The following TRIM24 variants were observed in gnomAD, a reference collection of about 807,000 sequenced individuals.
TRIM24 encodes tripartite motif containing 24.
In TRIM24, 29 loss-of-function variants were observed where a neutral mutation model predicts 123.9. The observed-to-expected ratio is 0.23, with a 90% CI of 0.17 to 0.32. The LOEUF is 0.32. TRIM24 is among the 10% of genes least tolerant of loss of function. The probability of loss-of-function intolerance (pLI) is 1.00; values close to 1 mark genes in which losing one functional copy is unlikely to be tolerated. For synonymous variants in TRIM24, 456 were observed against 461.1 expected (o/e 0.99, Z 0.14); for missense variants, 932 against 1,295.3 (o/e 0.72, Z 4.31).
chr7:138,503,292 T>C (rs1796080141), intron 1 of TRIM24, among the ~76,000 whole-genome samples: 1 of 152,190 alleles, frequency 6.6e-6, no homozygotes, highest in Non-Finnish European at 1.5e-5. Context: ...TCTATAGATA[T>C]GTTTGTGGGA....
intron 2 of TRIM24, chr7:138,514,573 G>A (rs915522706): frequency 5.9e-5 from 9 of 152,148 alleles, no homozygotes; most frequent in African/African-American, 1.9e-4. Context: ...CTTCCTAGAA[G>A]TAAAAGCCTT....
At chr7:138,473,890 C>A (rs1795335584) in intron 1 of TRIM24, among the ~76,000 whole-genome samples, 1 of 152,180 alleles carries the variant, frequency 6.6e-6, no homozygotes, top group Admixed American at 6.5e-5. Flanking sequence ...CCCACCTCAG[C>A]CTCCCAAGTA....
At chr7:138,514,967 A>G in intron 2 of TRIM24, 1 of 353,764 alleles carries the variant, frequency 2.8e-6, no homozygotes. Flanking sequence ...TGTTTGGGAA[A>G]TACCTAGTTG....
At chr7:138,492,377 C>T (rs1795812785) in intron 1 of TRIM24, among the ~76,000 whole-genome samples, 1 of 148,350 alleles carries the variant, frequency 6.7e-6, no homozygotes, top group African/African-American at 2.5e-5. Flanking sequence ...ATCCTGGATA[C>T]TAAGCACTTA....
intron 8 of TRIM24, among the ~76,000 whole-genome samples, chr7:138,552,580 A>G (rs935460785): frequency 6.6e-5 from 10 of 152,086 alleles, no homozygotes; most frequent in Non-Finnish European, 1.3e-4. Context: ...TGCTCGTTGA[A>G]TTTGTTTCAG....
intron 9 of TRIM24, among the ~76,000 whole-genome samples, chr7:138,558,615 T>C (rs1399573264): frequency 6.6e-6 from 1 of 152,218 alleles, no homozygotes; most frequent in Non-Finnish European, 1.5e-5. Context: ...CTGGTGGATG[T>C]GCTCATAGAA....
intron 1 of TRIM24, among the ~76,000 whole-genome samples, chr7:138,481,636 C>T (rs1364044864): frequency 1.3e-5 from 2 of 151,632 alleles, no homozygotes; most frequent in African/African-American, 4.8e-5. Flanking sequence ...GACCTTATCT[C>T]AATACAAACA....
intron 14 of TRIM24, among the ~76,000 whole-genome samples, chr7:138,578,425 AATAG>A (rs770501292): frequency 1.3e-5 from 2 of 152,206 alleles, no homozygotes; most frequent in African/African-American, 2.4e-5. Flanking sequence ...GATCAGTTAG[AATAG>A]ATACTGGCAA....
chr7:138,512,737 C>T (rs1796316458), intron 2 of TRIM24, among the ~76,000 whole-genome samples: 1 of 152,056 alleles, frequency 6.6e-6, no homozygotes, highest in Non-Finnish European at 1.5e-5. Context: ...TCCTTCTAGG[C>T]CTCTGGGCCT....
chr7:138,544,441 TATCTTGGCCATTGTGAATA>T (rs1316193850), intron 7 of TRIM24, among the ~76,000 whole-genome samples: 2 of 146,808 alleles, frequency 1.4e-5, no homozygotes, highest in Non-Finnish European at 2.9e-5. Flanking sequence ...GTTGTTTTTC[TATCTTGGCCATTGTGAATA>T]ATGCTGCAAT....
At chr7:138,512,104 T>C (rs1796299965) in intron 2 of TRIM24, among the ~76,000 whole-genome samples, 1 of 152,188 alleles carries the variant, frequency 6.6e-6, no homozygotes, top group African/African-American at 2.4e-5. Context: ...ATAATCCCCT[T>C]TGACTTCACA....
At chr7:138,522,159 C>A (rs760537565) in intron 4 of TRIM24, among the ~76,000 whole-genome samples, 16 of 151,826 alleles carry the variant, frequency 1.1e-4, no homozygotes, top group Non-Finnish European at 1.6e-4. Context: ...AACAAGCAGA[C>A]TAAAAAATCA....
At chr7:138,512,435 C>T (rs746596855) in intron 2 of TRIM24, among the ~76,000 whole-genome samples, 10 of 152,126 alleles carry the variant, frequency 6.6e-5, no homozygotes, top group Non-Finnish European at 1.5e-5. Context: ...AGGCTCTGCC[C>T]CTGCAGCAGG....
chr7:138,508,305 C>T (rs1238987133), intron 2 of TRIM24, among the ~76,000 whole-genome samples: 1 of 151,992 alleles, frequency 6.6e-6, no homozygotes, highest in Non-Finnish European at 1.5e-5. Context: ...GTTCTGGTTC[C>T]GTTGTGGGAG....
chr7:138,588,186 A>G lies in TRIM24; in HGVS notation c.*3235A>G, dbSNP rs1011628839. 5.3e-5 allele frequency: 8 copies of G among 152,210 alleles called. No homozygotes were observed. Among genetic ancestry groups the G allele is most frequent in the African/African-American group, 1.7e-4 (7 of 41,460 alleles). The allele number at this position is 152,210 out of a possible 1,614,324, so 9.4% of individuals were successfully genotyped here. On this transcript the variant is annotated 3_prime_UTR_variant, in exon 19 of 19. Transcript: ENST00000343526. ...TTATGAAACTGCATTTCAATATGCT[A>G]TGCTGTTACTGTGCTTAGACACTTC... is the stretch of plus-strand genomic sequence containing the variant.
chr7:138,466,927 C>CT (rs1795155088), intron 1 of TRIM24, among the ~76,000 whole-genome samples: 1 of 152,054 alleles, frequency 6.6e-6, no homozygotes, highest in South Asian at 2.1e-4. Context: ...ATAGTTTTAG[C>CT]TTTAAAATAT....
At chr7:138,497,061 T>G (rs773672230) in intron 1 of TRIM24, among the ~76,000 whole-genome samples, 1 of 152,206 alleles carries the variant, frequency 6.6e-6, no homozygotes, top group Non-Finnish European at 1.5e-5. Context: ...GACTGTCCAA[T>G]TTTAGTATCA....
intron 1 of TRIM24, among the ~76,000 whole-genome samples, chr7:138,488,573 A>C (rs1453155411): frequency 6.6e-6 from 1 of 152,224 alleles, no homozygotes; most frequent in Non-Finnish European, 1.5e-5. Flanking sequence ...GTTTCAAAGA[A>C]CATCTTTATT....
chr7:138,561,917 C>G (rs1008807713), intron 9 of TRIM24, among the ~76,000 whole-genome samples: 3 of 152,138 alleles, frequency 2.0e-5, no homozygotes, highest in Admixed American at 2.0e-4. Context: ...GATCCAGATA[C>G]AGCAGAACCC....
Sources: gnomAD v4.1 joint callset for allele counts (sites outside exome capture counted in the v4.1 genomes callset) on GRCh38, gnomAD v4.1.1 for gene constraint, MANE v1.5 for transcripts, NCBI Gene and HGNC (gene_info 2026-07-23, HGNC 2026-07-21) for gene names.